CADPS2: variants seen among roughly 807,000 people sequenced by gnomAD.
CADPS2 encodes the protein calcium dependent secretion activator 2.
In CADPS2, 93 loss-of-function variants were observed where a neutral mutation model predicts 172.5. The observed-to-expected ratio is 0.54, with a 90% CI of 0.46 to 0.64. CADPS2 has a LOEUF of 0.64. Among genes scored for constraint, CADPS2 ranks in the 30% least tolerant of loss-of-function variants. The pLI, the probability that CADPS2 is intolerant of heterozygous loss-of-function variation, is 0.00. For missense variants in CADPS2, 1,420 were observed against 1,565.9 expected, an observed-to-expected ratio of 0.91 and a Z score of 1.57; for synonymous variants, 546 against 555.2, an observed-to-expected ratio of 0.98 and a Z score of 0.23.
chr7:122,642,511 A>G (rs893376482), intron 3 of CADPS2, among the ~76,000 whole-genome samples: 2 of 149,862 alleles, frequency 1.3e-5, no homozygotes, highest in African/African-American at 4.9e-5. Context: ...AAAATGTTAA[A>G]CGTAGCATAA....
chr7:122,771,227 T>C (rs1354265340), intron 1 of CADPS2, among the ~76,000 whole-genome samples: 2 of 152,188 alleles, frequency 1.3e-5, no homozygotes, highest in Admixed American at 6.5e-5. Flanking sequence ...AAATACTTTA[T>C]CATATGAATG....
At chr7:122,536,568 G>A (rs2062299567) in intron 8 of CADPS2, among the ~76,000 whole-genome samples, 1 of 152,030 alleles carries the variant, frequency 6.6e-6, no homozygotes. Flanking sequence ...TTAATGCATG[G>A]AGAAAAAATA....
chr7:122,871,490 T>C (rs1563218647), intron 1 of CADPS2, among the ~76,000 whole-genome samples: 1 of 150,914 alleles, frequency 6.6e-6, no homozygotes, highest in African/African-American at 2.4e-5. Flanking sequence ...AAACAGGATA[T>C]AAAAACACAA....
chr7:122,652,970 A>C (rs2135041165), intron 3 of CADPS2, among the ~76,000 whole-genome samples: 1 of 152,308 alleles, frequency 6.6e-6, no homozygotes, highest in South Asian at 2.1e-4. Flanking sequence ...GACTCAAAGT[A>C]ATGTAAATAG....
intron 4 of CADPS2, among the ~76,000 whole-genome samples, chr7:122,625,929 T>C (rs981437870): frequency 3.3e-5 from 5 of 152,206 alleles, no homozygotes; most frequent in African/African-American, 1.2e-4. Context: ...TGGCTCTGTC[T>C]CTCTGGAGAA....
At chr7:122,852,753 T>C (rs1409540501) in intron 1 of CADPS2, among the ~76,000 whole-genome samples, 1 of 152,150 alleles carries the variant, frequency 6.6e-6, no homozygotes, top group Non-Finnish European at 1.5e-5. Flanking sequence ...TGTGCCACTA[T>C]AAACACTTAC....
intron 9 of CADPS2, among the ~76,000 whole-genome samples, chr7:122,504,247 G>A (rs924622188): frequency 6.6e-6 from 1 of 152,126 alleles, no homozygotes; most frequent in African/African-American, 2.4e-5. Flanking sequence ...GAACTGATGT[G>A]GGAGTACCTA....
At chr7:122,399,491 T>A (rs2045604813) in intron 20 of CADPS2, among the ~76,000 whole-genome samples, 1 of 152,070 alleles carries the variant, frequency 6.6e-6, no homozygotes, top group South Asian at 2.1e-4. Context: ...CATGCTGTTT[T>A]TTAAATGAAA....
intron 15 of CADPS2, among the ~76,000 whole-genome samples, chr7:122,444,907 C>G (rs889855665): frequency 3.3e-5 from 5 of 152,130 alleles, no homozygotes; most frequent in Admixed American, 3.3e-4. Flanking sequence ...TTTTCTAGGT[C>G]TACCTATTTT....
chr7:122,697,944 C>T (rs1175871543), intron 2 of CADPS2: 1 of 1,613,814 alleles, frequency 6.2e-7, no homozygotes, highest in Non-Finnish European at 8.5e-7. Flanking sequence ...AGGTTTCAGG[C>T]AGTTCATTTG....
At chr7:122,804,267 T>C (rs1798315495) in intron 1 of CADPS2, among the ~76,000 whole-genome samples, 1 of 152,230 alleles carries the variant, frequency 6.6e-6, no homozygotes, top group African/African-American at 2.4e-5. Flanking sequence ...CAACTTCTTA[T>C]AAGCCAAGAC....
At chr7:122,536,443 T>G (rs967319381) in intron 8 of CADPS2, among the ~76,000 whole-genome samples, 5 of 152,066 alleles carry the variant, frequency 3.3e-5, no homozygotes, top group African/African-American at 1.2e-4. Context: ...TTGTATCAAT[T>G]GGGCCCATAA....
chr7:122,837,667 T>C (rs1435141058), intron 1 of CADPS2, among the ~76,000 whole-genome samples: 1 of 152,170 alleles, frequency 6.6e-6, no homozygotes, highest in Non-Finnish European at 1.5e-5. Context: ...GCAAATAAAC[T>C]AGAAAATCTA....
At chr7:122,786,224 C>T (rs535022695) in intron 1 of CADPS2, among the ~76,000 whole-genome samples, 2 of 152,204 alleles carry the variant, frequency 1.3e-5, no homozygotes, top group East Asian at 3.9e-4. Flanking sequence ...GGCAAATTAG[C>T]ATCATCGGGA....
chr7:122,367,410 T>C (rs2041066463), intron 25 of CADPS2, among the ~76,000 whole-genome samples: 1 of 151,948 alleles, frequency 6.6e-6, no homozygotes, highest in Non-Finnish European at 1.5e-5. Flanking sequence ...ATCTAGGAAG[T>C]TGGATATTAC....
intron 12 of CADPS2, among the ~76,000 whole-genome samples, chr7:122,477,602 A>G (rs2056855526): frequency 6.6e-6 from 1 of 152,062 alleles, no homozygotes; most frequent in Non-Finnish European, 1.5e-5. Context: ...GTAAGGCAAC[A>G]ATAGCATCAA....
At chr7:122,597,379 G>C (rs1252471928) in intron 6 of CADPS2, among the ~76,000 whole-genome samples, 15 of 152,054 alleles carry the variant, frequency 9.9e-5, no homozygotes, top group Non-Finnish European at 2.2e-4. Flanking sequence ...ATTTACCTGA[G>C]CACTGCTGCT....
At chr7:122,416,257 A>G in intron 17 of CADPS2, 93 bp from the exon 18 acceptor site, 1 of 562,186 alleles carries the variant, frequency 1.8e-6, no homozygotes, top group South Asian at 4.0e-5. Context: ...GTTGAAATAG[A>G]ATGAGAAATA....
At chr7:122,397,456 A>G in intron 20 of CADPS2, among the ~76,000 whole-genome samples, 1 of 90,810 alleles carries the variant, frequency 1.1e-5, no homozygotes, top group South Asian at 4.7e-4. Context: ...GGGGAGAGGG[A>G]GAGGAGGGGT....
Sources: allele counts gnomAD v4.1 joint callset (sites outside exome capture counted in the v4.1 genomes callset), GRCh38; gene constraint gnomAD v4.1.1; transcripts MANE v1.5; gene names NCBI Gene and HGNC (gene_info 2026-07-23, HGNC 2026-07-21).